EHBP1: variants seen among roughly 807,000 people sequenced by gnomAD.
EHBP1 encodes EH domain-binding protein 1.
In EHBP1, 55 loss-of-function variants were observed where a neutral mutation model predicts 144.0. That is an observed-to-expected ratio of 0.38 (90% CI 0.31 to 0.48). The LOEUF (loss-of-function observed/expected upper bound fraction) is 0.48, where lower values mean the gene tolerates loss of function less well. Among genes scored for constraint, EHBP1 ranks in the 20% least tolerant of loss-of-function variants. The pLI is 0.98. For synonymous variants in EHBP1, 469 were observed against 472.7 expected, an observed-to-expected ratio of 0.99 and a Z score of 0.10; for missense variants, 1,200 against 1,364.2, an observed-to-expected ratio of 0.88 and a Z score of 1.90.
chr2:62,804,771 G>A (rs1188048077), intron 5 of EHBP1, among the ~76,000 whole-genome samples: 1 of 152,148 alleles, frequency 6.6e-6, no homozygotes, highest in African/African-American at 2.4e-5. Flanking sequence ...GTGAGTGGTG[G>A]GCAAGCAAGC....
At chr2:62,913,494 G>C (rs1219297849) in intron 10 of EHBP1, among the ~76,000 whole-genome samples, 1 of 152,184 alleles carries the variant, frequency 6.6e-6, no homozygotes, top group Non-Finnish European at 1.5e-5. Context: ...ACCCCACTCA[G>C]GGCATGCTTA....
chr2:62,993,529 G>C lies in EHBP1; in HGVS notation c.2734-1G>C, dbSNP rs2059496477. 1.3e-6 allele frequency: 2 copies of C among 1,581,376 alleles called. No homozygotes were observed. Among genetic ancestry groups the C allele is most frequent in the South Asian group, 2.3e-5 (2 of 85,690 alleles). Reference sequence around the variant, plus strand: ...CTTACCATGTGTTGTTTTACGTTTAGAGTGGCACAGAAGATCTCCGGACTG... The same window carrying C: ...CTTACCATGTGTTGTTTTACGTTTACAGTGGCACAGAAGATCTCCGGACTG... On this transcript the variant is annotated splice_acceptor_variant, in intron 16 of 22. Transcript: ENST00000431489. LOFTEE classifies it high-confidence loss of function.
At chr2:63,031,884 G>A (rs1200710610) in intron 19 of EHBP1, among the ~76,000 whole-genome samples, 2 of 152,098 alleles carry the variant, frequency 1.3e-5, no homozygotes, top group African/African-American at 2.4e-5. Flanking sequence ...AGCTGAGATC[G>A]TGTCACTGCA....
intron 7 of EHBP1, among the ~76,000 whole-genome samples, chr2:62,857,773 C>T (rs1257210699): frequency 2.0e-5 from 3 of 151,768 alleles, no homozygotes; most frequent in African/African-American, 7.3e-5. Context: ...ATTTGTTTCT[C>T]TGTCCTTTTT....
At chr2:62,839,586 G>A (rs1171584747) in intron 7 of EHBP1, among the ~76,000 whole-genome samples, 1 of 150,128 alleles carries the variant, frequency 6.7e-6, no homozygotes, top group Non-Finnish European at 1.5e-5. Flanking sequence ...TGTATATCTA[G>A]AAAACCCCAT....
chr2:62,809,008 G>A (rs1292057479), intron 5 of EHBP1, among the ~76,000 whole-genome samples: 3 of 152,058 alleles, frequency 2.0e-5, no homozygotes, highest in Non-Finnish European at 4.4e-5. Flanking sequence ...TAAGAGCAGA[G>A]TAGGCCAGGC....
intron 10 of EHBP1, among the ~76,000 whole-genome samples, chr2:62,883,585 C>T (rs1210498776): frequency 6.6e-6 from 1 of 152,098 alleles, no homozygotes; most frequent in Non-Finnish European, 1.5e-5. Flanking sequence ...AAAGACTAGC[C>T]GTCTATAGTC....
intron 7 of EHBP1, among the ~76,000 whole-genome samples, chr2:62,848,201 C>G (rs2048433084): frequency 1.3e-5 from 2 of 151,604 alleles, no homozygotes; most frequent in Non-Finnish European, 2.9e-5. Flanking sequence ...GCCTCAGCCT[C>G]TTGAGTAGCT....
chr2:62,805,434 AT>A (rs2044365092), intron 5 of EHBP1, among the ~76,000 whole-genome samples: 1 of 150,344 alleles, frequency 6.7e-6, no homozygotes. Context: ...TGGTGGACTT[AT>A]GTATAGTCTT....
At chr2:62,962,310 A>C (rs2058043043) in intron 14 of EHBP1, among the ~76,000 whole-genome samples, 1 of 152,134 alleles carries the variant, frequency 6.6e-6, no homozygotes, top group African/African-American at 2.4e-5. Context: ...TGGGCAACGG[A>C]CTCCATCTCA....
In EHBP1 at chr2:62,757,138, A is replaced by G. The variant is rs528327144; in HGVS notation, c.163-7128A>G. Among the ~76,000 whole-genome samples the G allele has an allele frequency of 7.2e-5, 11 of 152,192 alleles. No homozygotes were observed. In the South Asian group the frequency reaches 2.3e-3, roughly 32 times the overall value. The stretch of plus-strand genomic sequence containing the variant: ...TCTGCAACTGTTGGTCAGAAAATAT[A>G]TATATATTTTAAGACAGGATCTTAC... On this transcript the variant is annotated intron_variant, in intron 3 of 22. Coordinates refer to ENST00000431489, the MANE Select transcript of EHBP1 (RefSeq NM_001142616.3).
chr2:62,808,578 G>T lies in EHBP1; in HGVS notation c.313-17509G>T, dbSNP rs568614435. Among the ~76,000 whole-genome samples, 6 of 152,070 alleles carry T rather than the reference G, an allele frequency of 3.9e-5. No individual in the cohort carries two copies. The South Asian group carries it at 1.0e-3, about 26-fold the overall frequency. ...ATATTAATTATCATTTTAAATTATTGGTCTGATTATTCCACCATCTCTTCT... is the reference window on the plus strand; with the variant it reads ...ATATTAATTATCATTTTAAATTATTTGTCTGATTATTCCACCATCTCTTCT... On this transcript the variant is annotated intron_variant, in intron 5 of 22. Transcript: ENST00000431489.
At chr2:62,927,898 T>C (rs2055657292) in intron 10 of EHBP1, among the ~76,000 whole-genome samples, 1 of 152,134 alleles carries the variant, frequency 6.6e-6, no homozygotes. Context: ...ATGCAAAGTA[T>C]CTTTTCTGAT....
intron 19 of EHBP1, among the ~76,000 whole-genome samples, chr2:63,035,851 C>A (rs188656285): frequency 2.0e-5 from 3 of 152,024 alleles, no homozygotes; most frequent in Non-Finnish European, 4.4e-5. Flanking sequence ...TTGTGCCTAT[C>A]GCAGCCTATA....
At chr2:62,911,484 T>C (rs1019347734) in intron 10 of EHBP1, among the ~76,000 whole-genome samples, 1 of 152,138 alleles carries the variant, frequency 6.6e-6, no homozygotes, top group Non-Finnish European at 1.5e-5. Flanking sequence ...ATTTTTGAGA[T>C]GGAGTCTCAC....
rs148527722 is a variant in EHBP1, at chr2:62,807,863, A to G, written c.313-18224A>G. On this transcript the variant is annotated intron_variant, in intron 5 of 22. Transcript: ENST00000431489. ...ACACTTGTTTGTATGGTTTTTGAGA[A>G]GTGGGAAGTAATTACTATATTTGTT... is the stretch of plus-strand genomic sequence containing the variant. Among the ~76,000 whole-genome samples, 19 of 152,220 alleles carry G rather than the reference A, an allele frequency of 1.2e-4. No homozygotes were observed. The East Asian group carries it at 2.5e-3, about 20-fold the overall frequency.
At chr2:62,703,669 C>T (rs1456446858), upstream of EHBP1, among the ~76,000 whole-genome samples, 1 of 152,158 alleles carries the variant, frequency 6.6e-6, no homozygotes, top group Admixed American at 6.5e-5. Flanking sequence ...AATATTTCCC[C>T]TAAAAAGAAG....
intron 2 of EHBP1, among the ~76,000 whole-genome samples, chr2:62,739,834 G>A (rs1386079544): frequency 6.6e-6 from 1 of 151,750 alleles, no homozygotes; most frequent in African/African-American, 2.4e-5. Flanking sequence ...TACTCAGGAG[G>A]CTGAAGCAGG....
At chr2:62,999,992 A>C (rs1158961078) in intron 19 of EHBP1, among the ~76,000 whole-genome samples, 1 of 152,224 alleles carries the variant, frequency 6.6e-6, no homozygotes, top group Non-Finnish European at 1.5e-5. Flanking sequence ...TAACTAAATA[A>C]TACTAATAGT....
Sources: allele counts gnomAD v4.1 joint callset (sites outside exome capture counted in the v4.1 genomes callset), GRCh38; gene constraint gnomAD v4.1.1; transcripts MANE v1.5; gene names NCBI Gene and HGNC (gene_info 2026-07-23, HGNC 2026-07-21).